Variants in CTNNA3 observed in about 807,000 individuals in gnomAD.
The protein encoded by CTNNA3 is catenin alpha 3, also known as catenin alpha-3.
In CTNNA3, 76 loss-of-function variants were observed where a neutral mutation model predicts 95.7. The ratio of observed to expected loss-of-function variants is 0.79; its 90% CI spans 0.66 to 0.96. CTNNA3 has a LOEUF of 0.96. Among genes scored for constraint, CTNNA3 ranks in the 40% least tolerant of loss-of-function variants. The pLI, the probability that CTNNA3 is intolerant of heterozygous loss-of-function variation, is 0.00. For synonymous variants in CTNNA3, 431 were observed against 374.4 expected, an observed-to-expected ratio of 1.15 and a Z score of -1.74; for missense variants, 1,191 against 1,089.8, an observed-to-expected ratio of 1.09 and a Z score of -1.31.
chr10:67,589,378 G>A (rs941139771), intron 3 of CTNNA3, among the ~76,000 whole-genome samples: 1 of 151,928 alleles, frequency 6.6e-6, no homozygotes, highest in Non-Finnish European at 1.5e-5. Flanking sequence ...ACCAAATATA[G>A]GCACTAAATA....
chr10:66,129,916 C>T (rs1161051606), intron 13 of CTNNA3, among the ~76,000 whole-genome samples: 1 of 152,110 alleles, frequency 6.6e-6, no homozygotes, highest in Non-Finnish European at 1.5e-5. Flanking sequence ...TGCACATGAA[C>T]CCTGCACTAT....
intron 9 of CTNNA3, among the ~76,000 whole-genome samples, chr10:66,698,692 C>T (rs1475457134): frequency 1.3e-5 from 2 of 152,114 alleles, no homozygotes; most frequent in Non-Finnish European, 2.9e-5. Context: ...ATAAATAGCT[C>T]TGTACTGATA....
At chr10:66,386,845 A>C (rs1367559616) in intron 11 of CTNNA3, among the ~76,000 whole-genome samples, 2 of 152,188 alleles carry the variant, frequency 1.3e-5, no homozygotes, top group Non-Finnish European at 2.9e-5. Flanking sequence ...AGAAATGAGG[A>C]AAGGATTCCT....
chr10:67,473,430 T>C lies in CTNNA3; in HGVS notation c.579+48412A>G, dbSNP rs551169155. Among the ~76,000 whole-genome samples the C allele has an allele frequency of 1.8e-4, 27 of 152,330 alleles. 1 individual carries two copies. The highest frequency in any genetic ancestry group is 1.7e-3 in the Admixed American group (26 of 15,298). On this transcript the variant is annotated intron_variant, in intron 5 of 17. Transcript: ENST00000433211. ...AAAAATCCATAACATTTGTACTAAA[T>C]ATTAGCGATAACAGAGAAATACACA... is the stretch of plus-strand genomic sequence containing the variant.
intron 12 of CTNNA3, among the ~76,000 whole-genome samples, chr10:66,338,322 A>G (rs1386120935): frequency 6.6e-6 from 1 of 152,020 alleles, no homozygotes. Context: ...GCAAATAGAC[A>G]TAAGAGTTCT....
At chr10:67,656,291 A>G (rs1361917761) in intron 1 of CTNNA3, among the ~76,000 whole-genome samples, 1 of 152,172 alleles carries the variant, frequency 6.6e-6, no homozygotes, top group Non-Finnish European at 1.5e-5. Flanking sequence ...TTCTTTTCAA[A>G]TGCTCTTCCT....
intron 3 of CTNNA3, among the ~76,000 whole-genome samples, chr10:67,551,639 CTG>C (rs1476186886): frequency 6.6e-6 from 1 of 152,218 alleles, no homozygotes; most frequent in Admixed American, 6.5e-5. Flanking sequence ...CCCCTAGACA[CTG>C]TTGTGGGGTT....
At chr10:66,908,647 G>C (rs1846093938) in intron 7 of CTNNA3, among the ~76,000 whole-genome samples, 1 of 152,098 alleles carries the variant, frequency 6.6e-6, no homozygotes, top group Admixed American at 6.5e-5. Flanking sequence ...GAGTATTCTA[G>C]CTGCTGCTAT....
chr10:66,965,467 A>G (rs1382443849), intron 7 of CTNNA3, among the ~76,000 whole-genome samples: 2 of 151,270 alleles, frequency 1.3e-5, no homozygotes, highest in East Asian at 3.9e-4. Flanking sequence ...CTGGGGAGGC[A>G]GAGGTTGCAG....
intron 17 of CTNNA3, among the ~76,000 whole-genome samples, chr10:65,963,535 T>C (rs893817610): frequency 1.3e-5 from 2 of 152,242 alleles, no homozygotes; most frequent in Admixed American, 1.3e-4. Flanking sequence ...TTGCTATACA[T>C]GTACATTTTT....
Position 66,899,686 on chromosome 10 carries a change from C to T in CTNNA3, c.1048-124162G>A, listed in dbSNP as rs116049877. ...TTCAATGGTCTTAGCAACCGGCAGACCAGGCGATTCCCTCCCATGTCTGGC... is the reference window on the plus strand; with the variant it reads ...TTCAATGGTCTTAGCAACCGGCAGATCAGGCGATTCCCTCCCATGTCTGGC... On this transcript the variant is annotated intron_variant, in intron 7 of 17. Coordinates refer to ENST00000433211, the MANE Select transcript of CTNNA3 (RefSeq NM_013266.4). Among the ~76,000 whole-genome samples, 918 of 152,252 alleles carry T rather than the reference C, an allele frequency of 6.0e-3. 11 individuals are homozygous for T. The highest frequency in any genetic ancestry group is 0.021 in the African/African-American group (879 of 41,548).
chr10:67,086,384 C>T (rs886372982), intron 7 of CTNNA3, among the ~76,000 whole-genome samples: 1 of 151,804 alleles, frequency 6.6e-6, no homozygotes, highest in Non-Finnish European at 1.5e-5. Flanking sequence ...TAATCTCAAC[C>T]AAAGTCTCAA....
intron 5 of CTNNA3, among the ~76,000 whole-genome samples, chr10:67,255,074 T>C (rs1165562900): frequency 1.3e-5 from 2 of 152,126 alleles, no homozygotes; most frequent in Non-Finnish European, 2.9e-5. Context: ...GGCAGGTGGA[T>C]CACCTGAGAT....
At chr10:66,999,712 T>A (rs868822874) in intron 7 of CTNNA3, among the ~76,000 whole-genome samples, 2 of 152,190 alleles carry the variant, frequency 1.3e-5, no homozygotes, top group African/African-American at 2.4e-5. Context: ...GTACATTTCA[T>A]AAGTCTTTAA....
At chr10:66,325,299 C>T (rs902913791) in intron 12 of CTNNA3, among the ~76,000 whole-genome samples, 11 of 151,980 alleles carry the variant, frequency 7.2e-5, no homozygotes, top group African/African-American at 2.7e-4. Flanking sequence ...TGGGTACCTT[C>T]TATGTGCAAA....
intron 1 of CTNNA3, among the ~76,000 whole-genome samples, chr10:67,692,713 G>A (rs4351719): frequency 0.21 from 23,810 of 111,352 alleles, 3,034 homozygotes; most frequent in East Asian, 0.53. Context: ...CCCCCTCTGC[G>A]AGAAACACCC....
intron 15 of CTNNA3, among the ~76,000 whole-genome samples, chr10:65,991,914 G>A (rs975085404): frequency 1.3e-5 from 2 of 152,096 alleles, no homozygotes; most frequent in African/African-American, 4.8e-5. Flanking sequence ...TTATGTTGGG[G>A]TATATTCCTT....
chr10:67,461,470 G>C (rs1190148111), intron 5 of CTNNA3, among the ~76,000 whole-genome samples: 1 of 152,022 alleles, frequency 6.6e-6, no homozygotes, highest in Non-Finnish European at 1.5e-5. Flanking sequence ...GTGAAAAATT[G>C]TCAATGTTCA....
intron 7 of CTNNA3, among the ~76,000 whole-genome samples, chr10:67,161,560 A>G (rs971741967): frequency 2.0e-5 from 3 of 152,000 alleles, no homozygotes; most frequent in Non-Finnish European, 4.4e-5. Context: ...TAGACACATC[A>G]AAAAAGAATC....
Sources: allele counts gnomAD v4.1 joint callset (sites outside exome capture counted in the v4.1 genomes callset), GRCh38; gene constraint gnomAD v4.1.1; transcripts MANE v1.5; gene names NCBI Gene and HGNC (gene_info 2026-07-23, HGNC 2026-07-21).